The following FRMD5 variants were observed in gnomAD, a reference collection of about 807,000 sequenced individuals.
FRMD5 encodes the protein FERM domain-containing protein 5.
A neutral mutation model predicts 69.0 loss-of-function variants in FRMD5; 20 were observed. That is an observed-to-expected ratio of 0.29 (90% CI 0.20 to 0.42). The LOEUF is 0.42. Ranked by LOEUF, FRMD5 falls within the 10% of genes least tolerant of loss-of-function variation. FRMD5 has a pLI of 1.00. For synonymous variants in FRMD5, 271 were observed against 260.1 expected (o/e 1.04, Z -0.40); for missense variants, 595 against 708.6 (o/e 0.84, Z 1.82).
At chr15:44,016,377 C>G (rs570746464) in intron 1 of FRMD5, among the ~76,000 whole-genome samples, 1 of 152,188 alleles carries the variant, frequency 6.6e-6, no homozygotes, top group East Asian at 1.9e-4. Context: ...TACCCTGAAA[C>G]AGGCCATAGG....
intron 9 of FRMD5, among the ~76,000 whole-genome samples, chr15:43,888,592 C>T (rs565749495): frequency 6.6e-6 from 1 of 152,326 alleles, no homozygotes; most frequent in African/African-American, 2.4e-5. Context: ...GTAAAGATCT[C>T]TTGAGTGGAA....
intron 2 of FRMD5, among the ~76,000 whole-genome samples, chr15:43,921,096 T>G (rs1376617717): frequency 6.6e-6 from 1 of 152,208 alleles, no homozygotes; most frequent in Non-Finnish European, 1.5e-5. Flanking sequence ...TAAGAGGCCC[T>G]TCTCACATTA....
At chr15:43,947,960 G>C (rs997806994) in intron 1 of FRMD5, among the ~76,000 whole-genome samples, 1 of 129,756 alleles carries the variant, frequency 7.7e-6, no homozygotes, top group Non-Finnish European at 1.7e-5. Context: ...CTGAATAAGA[G>C]GGGTAGGGAG....
chr15:43,892,004 G>C lies in FRMD5; in HGVS notation c.705C>G (p.Asn235Lys). ...ACCATTTAATGAAGTGGACCCTCTT[G>C]TTTCCTTGAAGAACAACAAACCCAA... ...TPFGFVVLQG[N>K]KRVHFIKWNE... The change falls in exon 8 of 14, where the codon AAC becomes AAG. Residue 235 changes from asparagine to lysine, a missense_variant. By Grantham distance (94) the Asn-to-Lys change is moderately conservative. Transcript: ENST00000417257. 6.2e-7 allele frequency: 1 copy of C among 1,614,054 alleles called. No homozygotes were observed. The highest frequency in any genetic ancestry group is 2.2e-5 in the East Asian group (1 of 44,874).
chr15:43,970,068 C>T (rs1219970530), intron 1 of FRMD5, among the ~76,000 whole-genome samples: 1 of 152,166 alleles, frequency 6.6e-6, no homozygotes, highest in Non-Finnish European at 1.5e-5. Flanking sequence ...AAAGTGGGAA[C>T]TGGATTTTGT....
intron 1 of FRMD5, among the ~76,000 whole-genome samples, chr15:44,074,747 C>A (rs1022298356): frequency 1.3e-5 from 2 of 152,116 alleles, no homozygotes; most frequent in Non-Finnish European, 2.9e-5. Flanking sequence ...GATGAGGTAC[C>A]TTCTAGCTGC....
At chr15:44,061,167 T>A (rs186284574) in intron 1 of FRMD5, among the ~76,000 whole-genome samples, 14 of 152,212 alleles carry the variant, frequency 9.2e-5, no homozygotes, top group Admixed American at 6.5e-5. Flanking sequence ...TCCCTACTCT[T>A]ATGTGATTTA....
chr15:43,932,810 G>C (rs1021746532), intron 1 of FRMD5, among the ~76,000 whole-genome samples: 7 of 152,232 alleles, frequency 4.6e-5, no homozygotes, highest in Admixed American at 2.0e-4. Flanking sequence ...GGATGGGCAA[G>C]TAGGGCCCAC....
chr15:44,109,642 T>C (rs142231935), intron 1 of FRMD5, among the ~76,000 whole-genome samples: 470 of 152,218 alleles, frequency 3.1e-3, no homozygotes, highest in Non-Finnish European at 4.9e-3. Context: ...ATTATGAACC[T>C]ACATTGACAT....
intron 1 of FRMD5, among the ~76,000 whole-genome samples, chr15:44,038,520 C>CTTTTTTTTTTTTTTTTTTTT (rs71111834): frequency 3.2e-5 from 2 of 63,200 alleles, no homozygotes; most frequent in Non-Finnish European, 5.7e-5. Flanking sequence ...CTAGCCAGAG[C>CTTTTTTTTTTTTTTTTTTTT]TTTTTTTTTT....
chr15:43,994,839 C>T (rs1889847558), intron 1 of FRMD5, among the ~76,000 whole-genome samples: 1 of 152,162 alleles, frequency 6.6e-6, no homozygotes. Context: ...TTACTTTTAC[C>T]AGTGAGTTTG....
intron 1 of FRMD5, among the ~76,000 whole-genome samples, chr15:43,928,251 T>C (rs1272044621): frequency 1.3e-5 from 2 of 152,196 alleles, no homozygotes; most frequent in East Asian, 1.9e-4. Flanking sequence ...GGCTCTTGCA[T>C]AGACTAATGA....
chr15:43,948,845 G>A (rs1176599617), intron 1 of FRMD5, among the ~76,000 whole-genome samples: 2 of 152,234 alleles, frequency 1.3e-5, no homozygotes, highest in Non-Finnish European at 2.9e-5. Flanking sequence ...ATTCTGTGAT[G>A]AGTCACATGC....
intron 1 of FRMD5, among the ~76,000 whole-genome samples, chr15:44,107,682 A>C: frequency 6.6e-6 from 1 of 152,370 alleles, no homozygotes; most frequent in East Asian, 1.9e-4. Flanking sequence ...AAAAATGTTA[A>C]TGAGATTTTA....
At chr15:43,908,981 G>A (rs2089233835) in intron 5 of FRMD5, among the ~76,000 whole-genome samples, 1 of 152,136 alleles carries the variant, frequency 6.6e-6, no homozygotes, top group African/African-American at 2.4e-5. Context: ...TATCAACCAG[G>A]GGCCCAGGAC....
intron 1 of FRMD5, among the ~76,000 whole-genome samples, chr15:44,145,883 A>C (rs958545655): frequency 1.3e-5 from 2 of 152,246 alleles, no homozygotes; most frequent in African/African-American, 4.8e-5. Flanking sequence ...GAAGAAAAAC[A>C]TATCATACTA....
At chr15:43,968,674 A>G (rs530540395) in intron 1 of FRMD5, among the ~76,000 whole-genome samples, 1 of 152,278 alleles carries the variant, frequency 6.6e-6, no homozygotes, top group South Asian at 2.1e-4. Context: ...CGTGTATGGA[A>G]TATATGCCGG....
chr15:43,974,966 A>C (rs1301091628), intron 1 of FRMD5, among the ~76,000 whole-genome samples: 1 of 152,222 alleles, frequency 6.6e-6, no homozygotes, highest in Non-Finnish European at 1.5e-5. Flanking sequence ...CTGTTGGCTC[A>C]AAGGTGAGAA....
At chr15:43,918,464 C>T (rs1043713341) in intron 4 of FRMD5, among the ~76,000 whole-genome samples, 1 of 152,172 alleles carries the variant, frequency 6.6e-6, no homozygotes, top group African/African-American at 2.4e-5. Context: ...TCCTTCTTCC[C>T]TCCTCCTTTT....
Sources: allele counts gnomAD v4.1 joint callset (sites outside exome capture counted in the v4.1 genomes callset), GRCh38; gene constraint gnomAD v4.1.1; transcripts MANE v1.5; gene names NCBI Gene and HGNC (gene_info 2026-07-23, HGNC 2026-07-21).